The following ARSD variants were observed in gnomAD, a reference collection of about 807,000 sequenced individuals.
ARSD encodes testis tissue sperm-binding protein Li 39a.
In ARSD, 21 loss-of-function variants were observed where a neutral mutation model predicts 32.6. The ratio of observed to expected loss-of-function variants is 0.64; its 90% CI spans 0.46 to 0.93. The LOEUF (loss-of-function observed/expected upper bound fraction) is 0.93. Among genes scored for constraint, ARSD ranks in the 40% least tolerant of loss-of-function variants. The probability of loss-of-function intolerance (pLI) is 0.00; values close to 1 mark genes in which losing one functional copy is unlikely to be tolerated. For synonymous variants in ARSD, 224 were observed against 237.4 expected (o/e 0.94, Z 0.52); for missense variants, 454 against 520.9 (o/e 0.87, Z 1.25).
In ARSD at chrX:2,929,234, G is replaced by A. The variant is rs2089126294; in HGVS notation, c.42C>T (p.Ala14=). The A allele has an allele frequency of 5.8e-6, 6 of 1,038,686 alleles. No homozygotes were observed. Among genetic ancestry groups the A allele is most frequent in the Non-Finnish European group, 7.3e-6 (6 of 816,991 alleles). The allele number at this position is 1,038,686 out of a possible 1,213,427, so 85.6% of individuals were successfully genotyped here. A position where few individuals can be genotyped will look rare whatever the true frequency, so the allele number is the denominator to read the frequency against. ...AARRGRAAPA[A]RDSLPVLLFL... The stretch of plus-strand genomic sequence containing the variant: ...CCGCGTCCCGGGGTCCCAGGCACCT[G>A]GCGGCGGGCGCGGCGCGTCCCCTCC... The change falls in exon 1 of 10, where the codon GCC becomes GCT. Residue 14 remains alanine, a splice_region_variant and synonymous_variant. Transcript: ENST00000381154.
rs184892882 is a variant in ARSD, at chrX:2,918,241, A to G, written c.440-14T>C. On this transcript the variant is annotated splice_polypyrimidine_tract_variant and intron_variant, in intron 4 of 9. Coordinates refer to ENST00000381154, the MANE Select transcript of ARSD (RefSeq NM_001669.4). Reference sequence around the variant, plus strand: ...GGTGCCATTTTCCTAAAAGAAACGCAAATGTTCAACAGAGACCCGCTTTGA... The same window carrying G: ...GGTGCCATTTTCCTAAAAGAAACGCGAATGTTCAACAGAGACCCGCTTTGA... 1 of 1,141,929 alleles carries G rather than the reference A, an allele frequency of 8.8e-7. No individual in the cohort carries two copies. Among genetic ancestry groups the G allele is most frequent in the Non-Finnish European group, 1.2e-6 (1 of 859,763 alleles). 94.1% of individuals were successfully genotyped at this position (1,141,929 alleles called of 1,213,427 possible). A position where few individuals can be genotyped will look rare whatever the true frequency, so the allele number is the denominator to read the frequency against.
intron 1 of ARSD, among the ~76,000 whole-genome samples, chrX:2,928,314 G>A (rs1160875607): frequency 1.0e-5 from 1 of 99,345 alleles, no homozygotes; most frequent in African/African-American, 3.7e-5. Context: ...GGGTGACCGG[G>A]GTAGGCACGG....
Position 2,908,852 on chromosome X carries a change from T to C in ARSD, c.1299-10A>G. The C allele has an allele frequency of 8.3e-7, 1 of 1,210,884 alleles. No homozygotes were observed. The highest frequency in any genetic ancestry group is 1.1e-6 in the Non-Finnish European group (1 of 895,152). ...GTGGCCATCAATCACCCTGATTTCA[T>C]GAAGAGAACACAGAGCAGAGTCAGA... On this transcript the variant is annotated splice_polypyrimidine_tract_variant and intron_variant, in intron 8 of 9. Transcript: ENST00000381154.
chrX:2,911,546 T>C (rs1328822016), intron 6 of ARSD, among the ~76,000 whole-genome samples: 1 of 106,566 alleles, frequency 9.4e-6, no homozygotes, highest in Non-Finnish European at 1.9e-5. Context: ...GGCGGGAGAC[T>C]GTAGTCCCAG....
At chrX:2,907,990 C>T (rs2088866697) in intron 9 of ARSD, 1 of 798,510 alleles carries the variant, frequency 1.3e-6, no homozygotes, top group African/African-American at 2.2e-5. Flanking sequence ...CCTTTCTACA[C>T]AGAAACAACC....
At chrX:2,920,439 C>T (rs751286505) in intron 4 of ARSD, 162 bp downstream of exon 4, 29 of 636,285 alleles carry the variant, frequency 4.6e-5, no homozygotes, top group Middle Eastern at 3.5e-4. Context: ...GGTGTGATCT[C>T]GGCTCCCTGC....
intron 2 of ARSD, among the ~76,000 whole-genome samples, chrX:2,923,986 G>A (rs1205080706): frequency 8.9e-6 from 1 of 112,419 alleles, no homozygotes; most frequent in Non-Finnish European, 1.9e-5. Context: ...TTACAACCAG[G>A]CCTGCTCAGG....
chrX:2,913,747 G>A, intron 6 of ARSD: 1 of 934,945 alleles, frequency 1.1e-6, no homozygotes, highest in South Asian at 2.4e-5. Context: ...ATATAGTTTG[G>A]ATGTGTGTCC....
At position 2,909,929 on chromosome X, in the gene ARSD, A is replaced by G. The variant is rs780574883; in HGVS notation, c.1186T>C (p.Phe396Leu). 4 of 1,208,467 alleles carry G rather than the reference A, an allele frequency of 3.3e-6. No homozygotes were observed. In the African/African-American group the frequency reaches 7.1e-5, roughly 21 times the overall value. Residue 396 changes from phenylalanine to leucine, a missense_variant, in exon 8 of 10, where the codon TTC becomes CTC. Coordinates refer to ENST00000381154, the MANE Select transcript of ARSD (RefSeq NM_001669.4). ...GCCGGGAGCACCCCCGGCCAGTGGA[A>G]GATCCCGGGCACGCGGATCCCACCT... ...WEGGIRVPGIFHWPGVLPAGR... is the reference protein window; with the variant it reads ...WEGGIRVPGILHWPGVLPAGR...
rs780923675 is a variant in ARSD at position 2,907,378 on chromosome X, G to T, written c.1675C>A (p.Pro559Thr). 5.0e-6 allele frequency: 6 copies of T among 1,212,047 alleles called. No homozygotes were observed. The South Asian group carries it at 1.1e-4, about 21-fold the overall frequency. ...ATGTTGCTCATGGAAAACTGCTGGG[G>T]CACAGGACTCAGGGTCTGCCGATGC... Reference protein sequence around the residue: ...SEHRQTLSPVPQQFSMSNILW... With the variant: ...SEHRQTLSPVTQQFSMSNILW... Residue 559 changes from proline to threonine, a missense_variant, in exon 10 of 10, where the codon CCC becomes ACC. By Grantham distance (38) the Pro-to-Thr change is conservative. Around this residue, in one of 3 missense-constraint regions of ARSD, gnomAD observed 179 missense variants for 198.5 expected, o/e 0.90. Coordinates refer to ENST00000381154, the MANE Select transcript of ARSD (RefSeq NM_001669.4).
chrX:2,915,999 G>T (rs1184500626), intron 5 of ARSD, among the ~76,000 whole-genome samples: 1 of 108,961 alleles, frequency 9.2e-6, no homozygotes, highest in Admixed American at 9.9e-5. Context: ...GGGCGTGGTG[G>T]CTTGAGTCTG....
chrX:2,926,245 G>C (rs2089081608), intron 1 of ARSD, among the ~76,000 whole-genome samples: 1 of 111,533 alleles, frequency 9.0e-6, no homozygotes, highest in African/African-American at 3.3e-5. Flanking sequence ...CAGGTGCTGG[G>C]GTGATTACCC....
At chrX:2,917,391 G>C (rs2088972439) in intron 5 of ARSD, among the ~76,000 whole-genome samples, 1 of 111,496 alleles carries the variant, frequency 9.0e-6, no homozygotes, top group Non-Finnish European at 1.9e-5. Context: ...TCTCCTCCGA[G>C]GGTTGGTGTC....
At chrX:2,920,385 C>G in intron 4 of ARSD, 1 of 275,069 alleles carries the variant, frequency 3.6e-6, no homozygotes, top group Non-Finnish European at 6.1e-6. Context: ...TTTTTTTATT[C>G]TTTGAGACAG....
At chrX:2,915,902 C>T (rs111382152) in intron 5 of ARSD, among the ~76,000 whole-genome samples, 3 of 109,825 alleles carry the variant, frequency 2.7e-5, no homozygotes, top group African/African-American at 9.9e-5. Context: ...GAGGCTGAGG[C>T]GGGAGGATCA....
chrX:2,927,855 G>T (rs2089100418), intron 1 of ARSD, among the ~76,000 whole-genome samples: 1 of 111,287 alleles, frequency 9.0e-6, no homozygotes, highest in East Asian at 2.8e-4. Context: ...CTGATCGCGG[G>T]CCACCACTTC....
At position 2,918,102 on chromosome X, in the gene ARSD, GC is replaced by G; in HGVS notation, c.564del (p.Arg188SerfsTer9). The G allele has an allele frequency of 8.3e-7, 1 of 1,200,238 alleles. No individual in the cohort carries two copies. The highest frequency in any genetic ancestry group is 1.7e-5 in the African/African-American group (1 of 57,775). On this transcript the variant is annotated frameshift_variant, in exon 5 of 10. Transcript: ENST00000381154. LOFTEE classifies it high-confidence loss of function. ...FTLTNDCDPG[R>X]PPEVDAALRA... ...CTCAGGGCGGCGTCCACTTCGGGGGGCCTGCCTGGGTCACAGTCGTTTGTGA... is the reference window on the plus strand; with the variant it reads ...CTCAGGGCGGCGTCCACTTCGGGGGGCTGCCTGGGTCACAGTCGTTTGTGA...
Position 2,909,944 on chromosome X carries a change from G to A in ARSD, c.1171C>T (p.Arg391Cys), listed in dbSNP as rs1448477660. The change falls in exon 8 of 10, where the codon CGC (arginine) becomes TGC (cysteine). Residue 391 changes from arginine (R) to cysteine (C), a missense_variant. Physicochemically the swap from Arg to Cys is radical, Grantham distance 180. Transcript: ENST00000381154. ...KGMGGWEGGI[R>C]VPGIFHWPGV... is the part of the protein sequence containing the mutation. ...GGCCAGTGGAAGATCCCGGGCACGC[G>A]GATCCCACCTTCCCATCCTCCCATG... The A allele has an allele frequency of 5.8e-6, 7 of 1,210,806 alleles. No homozygotes were observed. Among genetic ancestry groups the A allele is most frequent in the Non-Finnish European group, 6.7e-6 (6 of 895,289 alleles).
rs10634744 is a variant in ARSD at position 2,907,116 on chromosome X, C to CAAA, written c.*152_*154dup. The CAAA allele has an allele frequency of 1.4e-4, 70 of 512,882 alleles. 1 individual carries two copies. The East Asian group carries it at 1.4e-3, about 10-fold the overall frequency. The allele number at this position is 512,882 out of a possible 1,213,427, so 42.3% of individuals were successfully genotyped here. A position where few individuals can be genotyped will look rare whatever the true frequency, so the allele number is the denominator to read the frequency against. On this transcript the variant is annotated 3_prime_UTR_variant, in exon 10 of 10. Coordinates refer to ENST00000381154, the MANE Select transcript of ARSD (RefSeq NM_001669.4). Reference sequence around the variant, plus strand: ...TGAGGGACAGAGCGACACTCTGTCTCAAAAAAGAAAGAAAGAAAGAAAGAA... The same window carrying CAAA: ...TGAGGGACAGAGCGACACTCTGTCTCAAAAAAAAAGAAAGAAAGAAAGAAAGAA...
Sources: allele counts gnomAD v4.1 joint callset (sites outside exome capture counted in the v4.1 genomes callset), GRCh38; gene constraint gnomAD v4.1.1; regional missense constraint gnomAD v4.1.1; transcripts MANE v1.5; gene names NCBI Gene and HGNC (gene_info 2026-07-23, HGNC 2026-07-21).